Variants in CREM observed in about 807,000 individuals in gnomAD.
CREM encodes the protein cAMP responsive element modulator, also known as cAMP-responsive element modulator.
Under a neutral mutation model 37.3 loss-of-function variants are expected in CREM, and 13 were observed. The observed-to-expected ratio is 0.35, with a 90% CI of 0.23 to 0.55. The LOEUF (loss-of-function observed/expected upper bound fraction) is 0.55. Ranked by LOEUF, CREM falls within the 20% of genes least tolerant of loss-of-function variation. The probability of loss-of-function intolerance (pLI) is 0.88; values close to 1 mark genes in which losing one functional copy is unlikely to be tolerated. For synonymous variants in CREM, 124 were observed against 120.2 expected (o/e 1.03, Z -0.21); for missense variants, 296 against 362.3 (o/e 0.82, Z 1.49).
intron 5 of CREM, among the ~76,000 whole-genome samples, chr10:35,182,607 T>C (rs1419795100): frequency 6.6e-6 from 1 of 152,244 alleles, no homozygotes; most frequent in Non-Finnish European, 1.5e-5. Flanking sequence ...TTTTCCCATA[T>C]ACAAGCAGTT....
intron 3 of CREM, among the ~76,000 whole-genome samples, chr10:35,151,166 A>C (rs1725278056): frequency 6.6e-6 from 1 of 152,174 alleles, no homozygotes; most frequent in Non-Finnish European, 1.5e-5. Flanking sequence ...CATTATAGAG[A>C]CTTGTGAGAA....
chr10:35,187,101 AT>A (rs2094627909), intron 5 of CREM, among the ~76,000 whole-genome samples: 1 of 69,448 alleles, frequency 1.4e-5, no homozygotes, highest in South Asian at 3.1e-4. Context: ...AATATATATG[AT>A]ATATATTATA....
intron 3 of CREM, among the ~76,000 whole-genome samples, chr10:35,150,704 G>A (rs1044293093): frequency 2.6e-5 from 4 of 152,164 alleles, no homozygotes; most frequent in Admixed American, 1.3e-4. Flanking sequence ...GCCTGTAGTC[G>A]CAGCTGCTCG....
intron 2 of CREM, among the ~76,000 whole-genome samples, chr10:35,139,156 CTG>C (rs1160617845): frequency 6.7e-6 from 1 of 150,362 alleles, no homozygotes; most frequent in African/African-American, 2.5e-5. Flanking sequence ...CACAGTGTCA[CTG>C]TGTCCAGGCT....
chr10:35,176,296 G>A (rs1452772570), intron 3 of CREM, among the ~76,000 whole-genome samples: 2 of 152,008 alleles, frequency 1.3e-5, no homozygotes, highest in African/African-American at 2.4e-5. Flanking sequence ...GATTTATTTA[G>A]CAATGCTCCC....
At position 35,211,876 on chromosome 10, in the gene CREM, A is replaced by G; in HGVS notation, c.*478A>G. On this transcript the variant is annotated 3_prime_UTR_variant, in exon 8 of 8. Coordinates refer to ENST00000685392, the MANE Select transcript of CREM (RefSeq NM_183011.2). ...GGAATACAATATATAGCTGGCAAGA[A>G]TGGTGGCTTCTTTTCTTTGTATCAT... 2 of 1,354,826 alleles carry G rather than the reference A, an allele frequency of 1.5e-6. No individual in the cohort carries two copies. The highest frequency in any genetic ancestry group is 2.5e-5 in the East Asian group (1 of 40,612). The allele number at this position is 1,354,826 out of a possible 1,614,324, so 83.9% of individuals were successfully genotyped here. A position where few individuals can be genotyped will look rare whatever the true frequency, so the allele number is the denominator to read the frequency against.
intron 1 of CREM, among the ~76,000 whole-genome samples, chr10:35,137,011 A>G (rs2090639225): frequency 6.6e-6 from 1 of 152,060 alleles, no homozygotes; most frequent in Non-Finnish European, 1.5e-5. Flanking sequence ...ACAAGGTCTC[A>G]CTGTGTTGCC....
chr10:35,182,158 GTTTAC>G (rs763321117), intron 5 of CREM, among the ~76,000 whole-genome samples: 28 of 152,234 alleles, frequency 1.8e-4, no homozygotes, highest in East Asian at 7.7e-4. Flanking sequence ...TTTAGAAGAC[GTTTAC>G]TTTAATTGGA....
intron 3 of CREM, among the ~76,000 whole-genome samples, chr10:35,150,432 C>G (rs939012842): frequency 5.3e-5 from 8 of 152,090 alleles, no homozygotes; most frequent in African/African-American, 1.9e-4. Flanking sequence ...GGGCTGAAGT[C>G]CCAGCAATAG....
chr10:35,210,686 TTTTG>T (rs2095646447), intron 7 of CREM: 1 of 152,236 alleles, frequency 6.6e-6, no homozygotes, highest in Non-Finnish European at 1.5e-5. Flanking sequence ...AATGCACATC[TTTTG>T]TTTATTGTTA....
Position 35,211,719 on chromosome 10 carries a change from T to A in CREM, c.*321T>A, listed in dbSNP as rs761047162. On this transcript the variant is annotated 3_prime_UTR_variant, in exon 8 of 8. Coordinates refer to ENST00000685392, the MANE Select transcript of CREM (RefSeq NM_183011.2). ...ATGTAAAATGTCTGGAGAGCCGAGT[T>A]GCAGTGCTGGAAGTCCAGAACAAGA... is the stretch of plus-strand genomic sequence containing the variant. 4 of 1,614,156 alleles carry A rather than the reference T, an allele frequency of 2.5e-6. No individual in the cohort carries two copies. The South Asian group carries it at 3.3e-5, about 13-fold the overall frequency.
At chr10:35,167,814 T>C (rs1564859801) in intron 3 of CREM, 1 of 1,610,528 alleles carries the variant, frequency 6.2e-7, no homozygotes, top group East Asian at 2.2e-5. Context: ...GTAAATGATG[T>C]CTGCTATAAG....
Position 35,211,629 on chromosome 10 carries a change from T to A in CREM, c.*231T>A. 6.2e-7 allele frequency: 1 copy of A among 1,606,100 alleles called. No individual in the cohort carries two copies. The highest frequency in any genetic ancestry group is 1.1e-5 in the South Asian group (1 of 89,720). On this transcript the variant is annotated 3_prime_UTR_variant, in exon 8 of 8. Transcript: ENST00000685392. ...CAATAGCATGCAAAAAATGCTTTGTTTGCCCTTTGCTTCTGCTTTTTTTCA... is the reference window on the plus strand; with the variant it reads ...CAATAGCATGCAAAAAATGCTTTGTATGCCCTTTGCTTCTGCTTTTTTTCA...
chr10:35,178,521 G>C (rs1161876216), intron 3 of CREM, among the ~76,000 whole-genome samples: 1 of 152,186 alleles, frequency 6.6e-6, no homozygotes, highest in Admixed American at 6.5e-5. Flanking sequence ...TTGGCCCCTC[G>C]CTGGCTCCCT....
At chr10:35,134,062 T>G (rs539771722) in intron 1 of CREM, among the ~76,000 whole-genome samples, 44 of 151,992 alleles carry the variant, frequency 2.9e-4, no homozygotes, top group African/African-American at 8.7e-4. Context: ...TTTGTTTTTT[T>G]TTTTTTTTCA....
At chr10:35,170,768 G>C (rs34595862) in intron 3 of CREM, among the ~76,000 whole-genome samples, 19,195 of 151,924 alleles carry the variant, frequency 0.13, 1,456 homozygotes, top group Middle Eastern at 0.18. Context: ...ATGTTTTATT[G>C]CATCTATTTG....
At chr10:35,206,117 A>G (rs1195899983) in intron 6 of CREM, among the ~76,000 whole-genome samples, 6 of 151,072 alleles carry the variant, frequency 4.0e-5, no homozygotes, top group African/African-American at 1.2e-4. Flanking sequence ...GCGTGGTGGC[A>G]GGCGCCTGTA....
chr10:35,162,050 A>G (rs369627476), intron 3 of CREM, among the ~76,000 whole-genome samples: 3 of 152,254 alleles, frequency 2.0e-5, no homozygotes, highest in African/African-American at 7.2e-5. Flanking sequence ...ATGAATGGAT[A>G]AAGAAAGTAT....
At chr10:35,160,248 T>C (rs1288354640) in intron 3 of CREM, among the ~76,000 whole-genome samples, 1 of 152,092 alleles carries the variant, frequency 6.6e-6, no homozygotes, top group Non-Finnish European at 1.5e-5. Flanking sequence ...ATAGGAAAGG[T>C]ACAGTAAAAA....
Sources: allele counts gnomAD v4.1 joint callset (sites outside exome capture counted in the v4.1 genomes callset), GRCh38; gene constraint gnomAD v4.1.1; transcripts MANE v1.5; gene names NCBI Gene and HGNC (gene_info 2026-07-23, HGNC 2026-07-21).